SCX: variants seen among roughly 807,000 people sequenced by gnomAD.
The protein encoded by SCX is basic helix-loop-helix transcription factor scleraxis.
A neutral mutation model predicts 12.2 loss-of-function variants in SCX; 7 were observed. The observed-to-expected ratio is 0.57, with a 90% CI of 0.33 to 1.08. SCX has a LOEUF of 1.08. Ranked by LOEUF, SCX falls within the 50% of genes least tolerant of loss-of-function variation. The pLI is 0.04. For missense variants in SCX, 342 were observed against 337.2 expected (o/e 1.01, Z -0.11); for synonymous variants, 193 against 163.9 (o/e 1.18, Z -1.36).
Position 144,268,334 on chromosome 8 carries a change from C to T in SCX, c.*192C>T, listed in dbSNP as rs1393738126. ...GACAGGCGCCGGCAGCGGGACTCTG[C>T]GCTGGCCCCAGCACCTGCCCGGGCC... is the stretch of plus-strand genomic sequence containing the variant. On this transcript the variant is annotated 3_prime_UTR_variant, in exon 2 of 2. Transcript: ENST00000567180. The T allele has an allele frequency of 9.3e-6, 7 of 755,990 alleles. No individual in the cohort carries two copies. Among genetic ancestry groups the T allele is most frequent in the African/African-American group, 5.3e-5 (3 of 56,932 alleles). 46.8% of individuals were successfully genotyped at this position (755,990 alleles called of 1,614,324 possible).
Position 144,266,527 on chromosome 8 carries a change from C to CCCGG in SCX, c.-80_-77dup, listed in dbSNP as rs1845369502. Reference sequence around the variant, plus strand: ...GCGCAGCCGAGACCCCGCGCCTCGCCCCGGCCGGCCCGCGAGGCCCGCGGC... The same window carrying CCCGG: ...GCGCAGCCGAGACCCCGCGCCTCGCCCCGGCCGGCCGGCCCGCGAGGCCCGCGGC... On this transcript the variant is annotated 5_prime_UTR_variant, in exon 1 of 2. The change abolishes the stop of an existing upstream ORF in the 5' untranslated region. Coordinates refer to ENST00000567180, the MANE Select transcript of SCX (RefSeq NM_001080514.3). The CCCGG allele has an allele frequency of 1.0e-6, 1 of 991,232 alleles. No individual in the cohort carries two copies. The highest frequency in any genetic ancestry group is 1.1e-4 in the East Asian group (1 of 9,102). 61.4% of individuals were successfully genotyped at this position (991,232 alleles called of 1,614,324 possible).
chr8:144,266,641 C>A lies in SCX; in HGVS notation c.28C>A (p.Pro10Thr). Residue 10 changes from proline (P) to threonine (T), a missense_variant, in exon 1 of 2, where the codon CCG becomes ACG. Transcript: ENST00000567180. MSFATLRPA[P>T]PGRYLYPEVS... ...GTCCTTCGCCACGCTGCGCCCGGCG[C>A]CGCCGGGCCGCTACCTGTACCCCGA... 8.0e-7 allele frequency: 1 copy of A among 1,242,974 alleles called. No homozygotes were observed. The highest frequency in any genetic ancestry group is 1.0e-6 in the Non-Finnish European group (1 of 973,564). The allele number at this position is 1,242,974 out of a possible 1,614,324, so 77.0% of individuals were successfully genotyped here.
Position 144,266,466 on chromosome 8 carries a change from C to T in SCX, c.-148C>T, listed in dbSNP as rs1845366551. The T allele has an allele frequency of 1.0e-6, 1 of 978,206 alleles. No individual in the cohort carries two copies. Among genetic ancestry groups the T allele is most frequent in the African/African-American group, 1.8e-5 (1 of 57,010 alleles). 60.6% of individuals were successfully genotyped at this position (978,206 alleles called of 1,614,324 possible). A position where few individuals can be genotyped will look rare whatever the true frequency, so the allele number is the denominator to read the frequency against. Reference sequence around the variant, plus strand: ...GGGCCCCGCTCCGGCCCGGGACGCACATGTGCGCGCGACGCCCGGCAGCTG... The same window carrying T: ...GGGCCCCGCTCCGGCCCGGGACGCATATGTGCGCGCGACGCCCGGCAGCTG... On this transcript the variant is annotated 5_prime_UTR_variant, in exon 1 of 2. Transcript: ENST00000567180.
chr8:144,266,640 G>A lies in SCX; in HGVS notation c.27G>A (p.Ala9=), dbSNP rs1163564636. 1.0e-5 allele frequency: 13 copies of A among 1,238,642 alleles called. No individual in the cohort carries two copies. The highest frequency in any genetic ancestry group is 3.3e-5 in the African/African-American group (2 of 60,930). 76.7% of individuals were successfully genotyped at this position (1,238,642 alleles called of 1,614,324 possible). A position where few individuals can be genotyped will look rare whatever the true frequency, so the allele number is the denominator to read the frequency against. MSFATLRP[A]PPGRYLYPEV... is the part of the protein sequence containing the mutation. ...TGTCCTTCGCCACGCTGCGCCCGGC[G>A]CCGCCGGGCCGCTACCTGTACCCCG... is the stretch of plus-strand genomic sequence containing the variant. Residue 9 remains alanine, a synonymous_variant, in exon 1 of 2, where the codon GCG becomes GCA. Coordinates refer to ENST00000567180, the MANE Select transcript of SCX (RefSeq NM_001080514.3).
rs887269198 is a variant in SCX at position 144,268,318 on chromosome 8, C to T, written c.*176C>T. ...GACAGACGGACGTACAGACAGGCGC[C>T]GGCAGCGGGACTCTGCGCTGGCCCC... On this transcript the variant is annotated 3_prime_UTR_variant, in exon 2 of 2. Transcript: ENST00000567180. 10 of 890,600 alleles carry T rather than the reference C, an allele frequency of 1.1e-5. No individual in the cohort carries two copies. The highest frequency in any genetic ancestry group is 2.7e-5 in the East Asian group (1 of 37,418). The allele number at this position is 890,600 out of a possible 1,614,324, so 55.2% of individuals were successfully genotyped here.
chr8:144,266,635 C>T lies in SCX; in HGVS notation c.22C>T (p.Pro8Ser). Residue 8 changes from proline (P) to serine (S), a missense_variant, in exon 1 of 2, where the codon CCG becomes TCG. Physicochemically the swap from Pro to Ser is moderately conservative, Grantham distance 74 (BLOSUM62 -1). Around this residue, in one of 3 missense-constraint regions of SCX, gnomAD observed 139 missense variants for 107.8 expected, o/e 1.29. Coordinates refer to ENST00000567180, the MANE Select transcript of SCX (RefSeq NM_001080514.3). MSFATLR[P>S]APPGRYLYPE... ...CCCCATGTCCTTCGCCACGCTGCGCCCGGCGCCGCCGGGCCGCTACCTGTA... is the reference window on the plus strand; with the variant it reads ...CCCCATGTCCTTCGCCACGCTGCGCTCGGCGCCGCCGGGCCGCTACCTGTA... The T allele has an allele frequency of 8.1e-7, 1 of 1,234,992 alleles. No individual in the cohort carries two copies. Among genetic ancestry groups the T allele is most frequent in the South Asian group, 1.5e-5 (1 of 68,260 alleles). 76.5% of individuals were successfully genotyped at this position (1,234,992 alleles called of 1,614,324 possible).
At chr8:144,268,049 C>T (rs1035622616) in intron 1 of SCX, 55 bp from the exon 2 acceptor site, 50 of 1,548,880 alleles carry the variant, frequency 3.2e-5, no homozygotes, top group South Asian at 2.0e-4. Context: ...GCCAGAGAGG[C>T]GCAGACTGGC....
chr8:144,267,096 GCCCCCGCCGCCT>G lies in SCX; in HGVS notation c.487_498del (p.Pro163_Pro166del), dbSNP rs1400607460. On this transcript the variant is annotated inframe_deletion, in exon 1 of 2. Transcript: ENST00000567180. ...CGCGCGCCGGCAGCCCCCCGCCGCCGCCCCCGCCGCCTCCCGCCCGCGACGGCGAGAACACCC... is the reference window on the plus strand; with the variant it reads ...CGCGCGCCGGCAGCCCCCCGCCGCCGCCCGCCCGCGACGGCGAGAACACCC... 7.1e-7 allele frequency: 1 copy of G among 1,403,808 alleles called. No homozygotes were observed. Among genetic ancestry groups the G allele is most frequent in the East Asian group, 3.0e-5 (1 of 33,150 alleles). The allele number at this position is 1,403,808 out of a possible 1,614,324, so 87.0% of individuals were successfully genotyped here. A position where few individuals can be genotyped will look rare whatever the true frequency, so the allele number is the denominator to read the frequency against.
Position 144,266,638 on chromosome 8 carries a change from GC to G in SCX, c.26del (p.Ala9GlyfsTer11). 1 of 1,238,896 alleles carries G rather than the reference GC, an allele frequency of 8.1e-7. No homozygotes were observed. The highest frequency in any genetic ancestry group is 1.5e-5 in the South Asian group (1 of 68,566). 76.7% of individuals were successfully genotyped at this position (1,238,896 alleles called of 1,614,324 possible). ...CATGTCCTTCGCCACGCTGCGCCCG[GC>G]GCCGCCGGGCCGCTACCTGTACCCC... is the stretch of plus-strand genomic sequence containing the variant. MSFATLRPAPPGRYLYPEV... is the reference protein window; with the variant it reads MSFATLRPXPPGRYLYPEV... On this transcript the variant is annotated frameshift_variant, in exon 1 of 2. Transcript: ENST00000567180. LOFTEE classifies it high-confidence loss of function.
In SCX at chr8:144,267,113, C is replaced by T; in HGVS notation, c.500C>T (p.Ala167Val). The T allele has an allele frequency of 6.8e-7, 1 of 1,470,560 alleles. No individual in the cohort carries two copies. The highest frequency in any genetic ancestry group is 8.9e-7 in the Non-Finnish European group (1 of 1,120,484). 91.1% of individuals were successfully genotyped at this position (1,470,560 alleles called of 1,614,324 possible). ...SPPPPPPPPP[A>V]RDGENTQPKQ... ...CCGCCGCCGCCCCCGCCGCCTCCCG[C>T]CCGCGACGGCGAGAACACCCAGCCC... Residue 167 changes from alanine (A) to valine (V), a missense_variant, in exon 1 of 2, where the codon GCC becomes GTC. Ala to Val is a moderately conservative substitution (Grantham distance 64). Transcript: ENST00000567180.
In SCX at chr8:144,268,317, C is replaced by G; in HGVS notation, c.*175C>G. Reference sequence around the variant, plus strand: ...GGACAGACGGACGTACAGACAGGCGCCGGCAGCGGGACTCTGCGCTGGCCC... The same window carrying G: ...GGACAGACGGACGTACAGACAGGCGGCGGCAGCGGGACTCTGCGCTGGCCC... On this transcript the variant is annotated 3_prime_UTR_variant, in exon 2 of 2. Transcript: ENST00000567180. 2 of 902,928 alleles carry G rather than the reference C, an allele frequency of 2.2e-6. No homozygotes were observed. Among genetic ancestry groups the G allele is most frequent in the Non-Finnish European group, 3.3e-6 (2 of 604,802 alleles). The allele number at this position is 902,928 out of a possible 1,614,324, so 55.9% of individuals were successfully genotyped here. A position where few individuals can be genotyped will look rare whatever the true frequency, so the allele number is the denominator to read the frequency against.
In SCX at chr8:144,266,961, G is replaced by A; in HGVS notation, c.348G>A (p.Thr116=). The A allele has an allele frequency of 1.3e-6, 2 of 1,557,614 alleles. No homozygotes were observed. The highest frequency in any genetic ancestry group is 1.7e-5 in the Admixed American group (1 of 57,186). The change falls in exon 1 of 2, where the codon ACG becomes ACA. Residue 116 remains threonine (T), a synonymous_variant. Coordinates refer to ENST00000567180, the MANE Select transcript of SCX (RefSeq NM_001080514.3). ...PADRKLSKIE[T]LRLASSYISH... is the part of the protein sequence containing the mutation. ...ACCGCAAGCTCTCCAAGATTGAGAC[G>A]CTGCGCCTGGCCTCCAGCTACATCT...
At position 144,267,112 on chromosome 8, in the gene SCX, G is replaced by C; in HGVS notation, c.499G>C (p.Ala167Pro). ...SPPPPPPPPP[A>P]RDGENTQPKQ... ...CCCGCCGCCGCCCCCGCCGCCTCCC[G>C]CCCGCGACGGCGAGAACACCCAGCC... Residue 167 changes from alanine (A) to proline (P), a missense_variant, in exon 1 of 2, where the codon GCC becomes CCC. Transcript: ENST00000567180. 6.9e-7 allele frequency: 1 copy of C among 1,451,634 alleles called. No homozygotes were observed. The highest frequency in any genetic ancestry group is 2.9e-5 in the East Asian group (1 of 34,310). The allele number at this position is 1,451,634 out of a possible 1,614,324, so 89.9% of individuals were successfully genotyped here.
rs1353176822 is a variant in SCX at position 144,266,789 on chromosome 8, G to A, written c.176G>A (p.Arg59Gln). The A allele has an allele frequency of 9.0e-6, 10 of 1,112,650 alleles. No homozygotes were observed. In the East Asian group the frequency reaches 4.5e-4, roughly 50 times the overall value. The allele number at this position is 1,112,650 out of a possible 1,614,324, so 68.9% of individuals were successfully genotyped here. A position where few individuals can be genotyped will look rare whatever the true frequency, so the allele number is the denominator to read the frequency against. Residue 59 changes from arginine to glutamine, a missense_variant, in exon 1 of 2, where the codon CGG (arginine) becomes CAG (glutamine). Arg to Gln is a conservative substitution (Grantham distance 43). This residue lies in a region of SCX where 139 missense variants were observed against 107.8 expected (regional missense o/e 1.29). Transcript: ENST00000567180. Reference sequence around the variant, plus strand: ...GGCGCCCGGCGGAGGGCGGGGGGCCGGCGGGCCGGGGGCGGGGGGCCAGGG... The same window carrying A: ...GGCGCCCGGCGGAGGGCGGGGGGCCAGCGGGCCGGGGGCGGGGGGCCAGGG... The part of the protein sequence containing the change: ...LQGARRRAGG[R>Q]RAGGGGPGGR...
chr8:144,266,480 G>C lies in SCX; in HGVS notation c.-134G>C. The stretch of plus-strand genomic sequence containing the variant: ...CCCGGGACGCACATGTGCGCGCGAC[G>C]CCCGGCAGCTGCCACCGCGGGGCGC... On this transcript the variant is annotated 5_prime_UTR_variant, in exon 1 of 2. Transcript: ENST00000567180. 1 of 984,894 alleles carries C rather than the reference G, an allele frequency of 1.0e-6. No homozygotes were observed. Among genetic ancestry groups the C allele is most frequent in the East Asian group, 1.1e-4 (1 of 8,846 alleles). 61.0% of individuals were successfully genotyped at this position (984,894 alleles called of 1,614,324 possible).
rs942996144 is a variant in SCX at position 144,268,129 on chromosome 8, C to T, written c.593C>T (p.Ala198Val). 2.4e-4 allele frequency: 375 copies of T among 1,551,808 alleles called. No individual in the cohort carries two copies. The highest frequency in any genetic ancestry group is 3.0e-4 in the Non-Finnish European group (348 of 1,147,602). Residue 198 changes from alanine to valine, a missense_variant, in exon 2 of 2, where the codon GCG becomes GTG. Physicochemically the swap from Ala to Val is moderately conservative, Grantham distance 64. Around this residue, in one of 3 missense-constraint regions of SCX, gnomAD observed 161 missense variants for 155.7 expected, o/e 1.03. Coordinates refer to ENST00000567180, the MANE Select transcript of SCX (RefSeq NM_001080514.3). ...AGCAAGGACCGCGACAGAAAGACAG[C>T]GATTCGCAGTTAGGAGGTGGCCGGC... ...KLSKDRDRKT[A>V]IRS
rs1486583921 is a variant in SCX, at chr8:144,267,018, G to C, written c.405G>C (p.Glu135Asp). The C allele has an allele frequency of 2.9e-5, 44 of 1,525,998 alleles. No homozygotes were observed. Among genetic ancestry groups the C allele is most frequent in the Non-Finnish European group, 3.6e-5 (41 of 1,143,698 alleles). 94.5% of individuals were successfully genotyped at this position (1,525,998 alleles called of 1,614,324 possible). A position where few individuals can be genotyped will look rare whatever the true frequency, so the allele number is the denominator to read the frequency against. Reference sequence around the variant, plus strand: ...TGGGCAACGTGCTGCTGGCGGGCGAGGCCTGCGGCGACGGACAGCCCTGCC... The same window carrying C: ...TGGGCAACGTGCTGCTGGCGGGCGACGCCTGCGGCGACGGACAGCCCTGCC... The part of the protein sequence containing the change: ...SHLGNVLLAG[E>D]ACGDGQPCHS... The change falls in exon 1 of 2, where the codon GAG becomes GAC. Residue 135 changes from glutamate (E) to aspartate (D), a missense_variant. Transcript: ENST00000567180.
chr8:144,268,124 G>C lies in SCX; in HGVS notation c.588G>C (p.Lys196Asn). The change falls in exon 2 of 2, where the codon AAG (lysine) becomes AAC (asparagine). Residue 196 changes from lysine (K) to asparagine (N), a missense_variant. Coordinates refer to ENST00000567180, the MANE Select transcript of SCX (RefSeq NM_001080514.3). The stretch of plus-strand genomic sequence containing the variant: ...TGCAGAGCAAGGACCGCGACAGAAA[G>C]ACAGCGATTCGCAGTTAGGAGGTGG... Reference protein sequence around the residue: ...QRKLSKDRDRKTAIRS With the variant: ...QRKLSKDRDRNTAIRS 3 of 1,551,790 alleles carry C rather than the reference G, an allele frequency of 1.9e-6. No individual in the cohort carries two copies. Among genetic ancestry groups the C allele is most frequent in the Non-Finnish European group, 2.6e-6 (3 of 1,147,580 alleles).
At position 144,268,217 on chromosome 8, in the gene SCX, C is replaced by T. The variant is rs1466695464; in HGVS notation, c.*75C>T. Reference sequence around the variant, plus strand: ...GCCCGGGGTGACTGCAGACAGCCCCCACCTTGGACCTGAGCTGGGCAAGGC... The same window carrying T: ...GCCCGGGGTGACTGCAGACAGCCCCTACCTTGGACCTGAGCTGGGCAAGGC... On this transcript the variant is annotated 3_prime_UTR_variant, in exon 2 of 2. Transcript: ENST00000567180. The T allele has an allele frequency of 6.5e-6, 10 of 1,540,610 alleles. No individual in the cohort carries two copies. The highest frequency in any genetic ancestry group is 8.8e-6 in the Non-Finnish European group (10 of 1,140,254).
Sources: gnomAD v4.1 joint callset for allele counts on GRCh38, gnomAD v4.1.1 for gene constraint, gnomAD v4.1.1 regional missense constraint, MANE v1.5 for transcripts, NCBI Gene and HGNC (gene_info 2026-07-23, HGNC 2026-07-21) for gene names.